Variants in SLIT3 observed in about 807,000 individuals in gnomAD.
SLIT3 encodes the protein slit homolog 3 protein.
SLIT3 carries 68 observed loss-of-function variants against 184.0 expected under a neutral mutation model. The observed-to-expected ratio is 0.37, with a 90% CI of 0.30 to 0.45. The LOEUF (loss-of-function observed/expected upper bound fraction) is 0.45, where lower values mean the gene tolerates loss of function less well. Ranked by LOEUF, SLIT3 falls within the 20% of genes least tolerant of loss-of-function variation. The pLI, the probability that SLIT3 is intolerant of heterozygous loss-of-function variation, is 1.00. For missense variants in SLIT3, 1,707 were observed against 2,026.0 expected (o/e 0.84, Z 3.02); for synonymous variants, 831 against 828.6 (o/e 1.00, Z -0.05).
intron 4 of SLIT3, among the ~76,000 whole-genome samples, chr5:169,060,130 C>A (rs1367884185): frequency 6.6e-6 from 1 of 152,222 alleles, no homozygotes; most frequent in Non-Finnish European, 1.5e-5. Context: ...CGGCTCATGG[C>A]TGTAATCCCA....
chr5:168,829,786 G>A (rs190681719), intron 6 of SLIT3, among the ~76,000 whole-genome samples: 284 of 152,332 alleles, frequency 1.9e-3, no homozygotes, highest in African/African-American at 6.4e-3. Context: ...TCCTGTGGCC[G>A]GACCCTGTGA....
intron 4 of SLIT3, among the ~76,000 whole-genome samples, chr5:169,011,545 C>T (rs554900819): frequency 1.3e-5 from 2 of 152,220 alleles, no homozygotes; most frequent in Admixed American, 6.5e-5. Context: ...TGAGGCCAGA[C>T]TATCAGAGGT....
At chr5:169,295,363 A>AT (rs1314605237) in intron 1 of SLIT3, among the ~76,000 whole-genome samples, 3 of 152,250 alleles carry the variant, frequency 2.0e-5, no homozygotes, top group Admixed American at 1.3e-4. Flanking sequence ...TCATAGAGGG[A>AT]TAAACAATCA....
At chr5:168,975,153 A>C (rs2113337299) in intron 4 of SLIT3, among the ~76,000 whole-genome samples, 2 of 152,096 alleles carry the variant, frequency 1.3e-5, no homozygotes, top group Middle Eastern at 3.4e-3. Flanking sequence ...TACCTGGCAG[A>C]TGATGTCCCC....
chr5:168,796,874 C>G (rs1340082539), intron 9 of SLIT3, among the ~76,000 whole-genome samples: 1 of 151,972 alleles, frequency 6.6e-6, no homozygotes, highest in African/African-American at 2.4e-5. Flanking sequence ...GTTTGTCAGG[C>G]CAACCCATAA....
chr5:168,668,676 T>A (rs945196334), intron 35 of SLIT3, among the ~76,000 whole-genome samples: 5 of 152,236 alleles, frequency 3.3e-5, no homozygotes, highest in Admixed American at 2.0e-4. Context: ...TTCAAGCTCC[T>A]GAGCTCATGC....
chr5:169,279,033 T>C (rs1047964333), intron 1 of SLIT3, among the ~76,000 whole-genome samples: 1 of 152,166 alleles, frequency 6.6e-6, no homozygotes, highest in Admixed American at 6.5e-5. Context: ...AAGGTGGTAT[T>C]ATCTCATGTT....
intron 27 of SLIT3, among the ~76,000 whole-genome samples, chr5:168,699,352 C>T (rs914684654): frequency 2.6e-5 from 4 of 152,240 alleles, no homozygotes; most frequent in Admixed American, 6.5e-5. Context: ...AACTTGAGCT[C>T]TAAGACACCC....
At chr5:169,191,150 A>C (rs1338357162) in intron 4 of SLIT3, among the ~76,000 whole-genome samples, 1 of 152,214 alleles carries the variant, frequency 6.6e-6, no homozygotes, top group Non-Finnish European at 1.5e-5. Context: ...TGAATGCGTG[A>C]GTGAATGAAT....
Position 168,722,297 on chromosome 5 carries a change from G to T in SLIT3, c.2442C>A (p.Ile814=), listed in dbSNP as rs267600541. ...LILSYNRLRC[I]PVHAFNGLRS... The stretch of plus-strand genomic sequence containing the variant: ...GCAGCCCGTTGAAGGCGTGGACGGG[G>T]ATGCACCTCAGCCGGTTGTAGCTCA... Residue 814 remains isoleucine, a synonymous_variant, in exon 23 of 36, where the codon ATC becomes ATA. Transcript: ENST00000519560. 1 of 1,614,146 alleles carries T rather than the reference G, an allele frequency of 6.2e-7. No individual in the cohort carries two copies. Among genetic ancestry groups the T allele is most frequent in the Admixed American group, 1.7e-5 (1 of 60,022 alleles).
intron 1 of SLIT3, among the ~76,000 whole-genome samples, chr5:169,267,282 G>C (rs1766431442): frequency 6.6e-6 from 1 of 152,128 alleles, no homozygotes; most frequent in South Asian, 2.1e-4. Flanking sequence ...GAGTCCTAAA[G>C]GGTGAAAGAG....
intron 6 of SLIT3, among the ~76,000 whole-genome samples, chr5:168,843,510 C>A (rs758873804): frequency 7.9e-5 from 12 of 152,112 alleles, no homozygotes; most frequent in South Asian, 2.1e-4. Context: ...TTTTTAGAAC[C>A]AAGCAGCTAC....
At chr5:169,257,533 CTTTTTTTTTTTTTTTT>C (rs1157258489) in intron 1 of SLIT3, among the ~76,000 whole-genome samples, 3 of 80,962 alleles carry the variant, frequency 3.7e-5, no homozygotes, top group East Asian at 7.9e-4. Context: ...TCTATGCCTC[CTTTTTTTTTTTTTTTT>C]TTTTTTTTTT....
At chr5:168,952,554 G>A (rs1762690276) in intron 4 of SLIT3, among the ~76,000 whole-genome samples, 1 of 130,684 alleles carries the variant, frequency 7.7e-6, no homozygotes, top group African/African-American at 4.0e-5. Context: ...AAAAAGAGGG[G>A]AGAAGGCAAA....
chr5:169,072,675 C>T (rs2113129931), intron 4 of SLIT3, among the ~76,000 whole-genome samples: 1 of 152,264 alleles, frequency 6.6e-6, no homozygotes, highest in Non-Finnish European at 1.5e-5. Context: ...TTCAGCTGGG[C>T]AGGGTCAGCA....
intron 1 of SLIT3, among the ~76,000 whole-genome samples, chr5:169,273,333 CAGAG>C (rs1473702205): frequency 6.6e-6 from 1 of 152,158 alleles, no homozygotes; most frequent in South Asian, 2.1e-4. Context: ...ATCCTCATCT[CAGAG>C]AGAGAGATGA....
At chr5:169,146,261 C>T (rs1317339627) in intron 4 of SLIT3, among the ~76,000 whole-genome samples, 1 of 152,244 alleles carries the variant, frequency 6.6e-6, no homozygotes, top group East Asian at 1.9e-4. Flanking sequence ...AGCCAGGCTG[C>T]AAGGTATTTG....
intron 4 of SLIT3, among the ~76,000 whole-genome samples, chr5:168,979,901 T>A (rs1754892919): frequency 6.6e-6 from 1 of 152,190 alleles, no homozygotes; most frequent in South Asian, 2.1e-4. Flanking sequence ...GTAGTTTTGC[T>A]GGGGATCAGC....
At chr5:169,066,531 T>C (rs1473183800) in intron 4 of SLIT3, among the ~76,000 whole-genome samples, 1 of 152,206 alleles carries the variant, frequency 6.6e-6, no homozygotes, top group Non-Finnish European at 1.5e-5. Flanking sequence ...ATGATAACAA[T>C]GATAATTCCC....
Sources: allele counts gnomAD v4.1 joint callset (sites outside exome capture counted in the v4.1 genomes callset), GRCh38; gene constraint gnomAD v4.1.1; transcripts MANE v1.5; gene names NCBI Gene and HGNC (gene_info 2026-07-23, HGNC 2026-07-21).